The following SAMD12 variants were observed in gnomAD, a reference collection of about 807,000 sequenced individuals.
The protein encoded by SAMD12 is sterile alpha motif domain-containing protein 12.
In SAMD12, 9 loss-of-function variants were observed where a neutral mutation model predicts 15.0. The observed-to-expected ratio is 0.60, with a 90% confidence interval of 0.36 to 1.05. The LOEUF (loss-of-function observed/expected upper bound fraction) is 1.05, where lower values mean the gene tolerates loss of function less well. Among genes scored for constraint, SAMD12 ranks in the 50% least tolerant of loss-of-function variants. The pLI is 0.01. For synonymous variants in SAMD12, 86 were observed against 90.1 expected (o/e 0.96, Z 0.25); for missense variants, 230 against 234.2 (o/e 0.98, Z 0.12).
intron 4 of SAMD12, among the ~76,000 whole-genome samples, chr8:118,300,040 T>TA (rs1367761747): frequency 1.3e-5 from 2 of 152,110 alleles, no homozygotes; most frequent in African/African-American, 4.8e-5. Context: ...TACTTTTTTT[T>TA]AATTGACATA....
chr8:118,268,100 A>AAAAG (rs1049849150), intron 4 of SAMD12, among the ~76,000 whole-genome samples: 1 of 152,090 alleles, frequency 6.6e-6, no homozygotes, highest in East Asian at 1.9e-4. Flanking sequence ...TCAAACAAAA[A>AAAAG]AAAGAAAGAA....
At chr8:118,198,143 G>T (rs971867290) in intron 4 of SAMD12, among the ~76,000 whole-genome samples, 3 of 152,116 alleles carry the variant, frequency 2.0e-5, no homozygotes, top group Non-Finnish European at 4.4e-5. Flanking sequence ...AGAGATGGGG[G>T]TTTCATTTAT....
At chr8:118,362,222 T>G (rs771567124) in intron 4 of SAMD12, among the ~76,000 whole-genome samples, 1 of 152,120 alleles carries the variant, frequency 6.6e-6, no homozygotes, top group Non-Finnish European at 1.5e-5. Context: ...TTAGAGACCA[T>G]TTATTTATGC....
At chr8:118,353,186 C>A (rs928655773) in intron 4 of SAMD12, among the ~76,000 whole-genome samples, 4 of 150,004 alleles carry the variant, frequency 2.7e-5, no homozygotes, top group African/African-American at 9.9e-5. Flanking sequence ...ATCTAGTGAG[C>A]ATGTTCTCTT....
intron 4 of SAMD12, among the ~76,000 whole-genome samples, chr8:118,207,796 A>T (rs1819904120): frequency 6.6e-6 from 1 of 152,200 alleles, no homozygotes; most frequent in African/African-American, 2.4e-5. Context: ...CAGATTCTGC[A>T]TTGGAACAAT....
At chr8:118,276,465 C>T (rs997790043) in intron 4 of SAMD12, among the ~76,000 whole-genome samples, 18 of 152,228 alleles carry the variant, frequency 1.2e-4, no homozygotes, top group Admixed American at 3.9e-4. Flanking sequence ...AAAATTTCTA[C>T]CCTTTAGGTT....
intron 2 of SAMD12, among the ~76,000 whole-genome samples, chr8:118,448,160 A>C (rs767573851): frequency 1.3e-5 from 2 of 152,186 alleles, no homozygotes; most frequent in African/African-American, 2.4e-5. Context: ...CCAGATACCT[A>C]CATGGCTAAT....
chr8:118,525,713 G>A (rs1187646826), intron 2 of SAMD12, among the ~76,000 whole-genome samples: 1 of 152,200 alleles, frequency 6.6e-6, no homozygotes, highest in Non-Finnish European at 1.5e-5. Flanking sequence ...AGCTTGAAAT[G>A]TCTTTGACAT....
chr8:118,437,989 A>G (rs1822622819), intron 3 of SAMD12, among the ~76,000 whole-genome samples: 1 of 152,228 alleles, frequency 6.6e-6, no homozygotes, highest in Non-Finnish European at 1.5e-5. Flanking sequence ...CAGGCATTAA[A>G]AAACATTAAG....
At chr8:118,392,939 T>C (rs1175626656) in intron 3 of SAMD12, among the ~76,000 whole-genome samples, 1 of 152,112 alleles carries the variant, frequency 6.6e-6, no homozygotes, top group Non-Finnish European at 1.5e-5. Context: ...GTTTAGGAGT[T>C]TGCTTCCAAC....
intron 4 of SAMD12, among the ~76,000 whole-genome samples, chr8:118,368,780 C>T (rs1369524111): frequency 1.3e-5 from 2 of 152,112 alleles, no homozygotes; most frequent in Non-Finnish European, 2.9e-5. Flanking sequence ...ACAGAGGATC[C>T]ACCTCTCGCT....
chr8:118,308,350 T>C (rs1815450450), intron 4 of SAMD12, among the ~76,000 whole-genome samples: 1 of 152,178 alleles, frequency 6.6e-6, no homozygotes, highest in Non-Finnish European at 1.5e-5. Context: ...AGACACTTAC[T>C]GTATGAGCAC....
rs780656477 is a variant in SAMD12, at chr8:118,580,748, G to A, written c.159C>T (p.Pro53=). The change falls in exon 2 of 4, where the codon CCC becomes CCT. Residue 53 remains proline (P), a synonymous_variant. Coordinates refer to ENST00000314727, the MANE Select transcript of SAMD12 (RefSeq NM_207506.3). ...TCTCAGCTTCTGCCTGCAGTCGCTT[G>A]GGAGTTCCTTTCTGGTCAGGCACCT... ...FQKVPDQKGT[P]KRLQAEAETA... 3 of 1,612,956 alleles carry A rather than the reference G, an allele frequency of 1.9e-6. No individual in the cohort carries two copies. Among genetic ancestry groups the A allele is most frequent in the Non-Finnish European group, 1.7e-6 (2 of 1,179,290 alleles).
At chr8:118,304,960 C>A (rs1016839464) in intron 4 of SAMD12, among the ~76,000 whole-genome samples, 5 of 150,048 alleles carry the variant, frequency 3.3e-5, no homozygotes, top group African/African-American at 1.2e-4. Flanking sequence ...ACCAGCCTGG[C>A]CAACATTGTA....
At chr8:118,174,279 C>T in the SAMD12 span, among the ~76,000 whole-genome samples, 2 of 152,204 alleles carry the variant, frequency 1.3e-5, no homozygotes, top group Non-Finnish European at 2.9e-5. Flanking sequence ...CCCAGTGAGA[C>T]TGAAGGCTCC....
chr8:118,497,502 T>C (rs557679908), intron 2 of SAMD12, among the ~76,000 whole-genome samples: 1 of 152,112 alleles, frequency 6.6e-6, no homozygotes, highest in African/African-American at 2.4e-5. Context: ...CACTTATAAG[T>C]GGGAGCTAAA....
chr8:118,267,723 GTGTGTGTGTGTA>G (rs903967013), intron 4 of SAMD12, among the ~76,000 whole-genome samples: 1 of 147,976 alleles, frequency 6.8e-6, no homozygotes, highest in African/African-American at 2.7e-5. Context: ...GTGTGTGTGT[GTGTGTGTGTGTA>G]TTTAAAGATA....
At chr8:118,160,455 A>G in the SAMD12 span, among the ~76,000 whole-genome samples, 1 of 152,256 alleles carries the variant, frequency 6.6e-6, no homozygotes, top group Admixed American at 6.5e-5. Flanking sequence ...ATGAGGTTAT[A>G]GTAATCAAGC....
the SAMD12 span, among the ~76,000 whole-genome samples, chr8:118,135,937 C>A: frequency 2.0e-5 from 3 of 152,300 alleles, no homozygotes; most frequent in South Asian, 6.2e-4. Flanking sequence ...ACAACATCCT[C>A]ATCCTTCCTT....
Sources: gnomAD v4.1 joint callset for allele counts (sites outside exome capture counted in the v4.1 genomes callset) on GRCh38, gnomAD v4.1.1 for gene constraint, MANE v1.5 for transcripts, NCBI Gene and HGNC (gene_info 2026-07-23, HGNC 2026-07-21) for gene names.